RNF10: variants seen among roughly 807,000 people sequenced by gnomAD.
The protein encoded by RNF10 is ring finger protein 10.
RNF10 carries 38 observed loss-of-function variants against 91.4 expected under a neutral mutation model. That is an observed-to-expected ratio of 0.42 (90% confidence interval 0.32 to 0.54). The LOEUF (loss-of-function observed/expected upper bound fraction) is 0.54. Among genes scored for constraint, RNF10 ranks in the 20% least tolerant of loss-of-function variants. The pLI is 0.16. For synonymous variants in RNF10, 364 were observed against 366.3 expected, an observed-to-expected ratio of 0.99 and a Z score of 0.07; for missense variants, 945 against 1,012.0, an observed-to-expected ratio of 0.93 and a Z score of 0.90.
chr12:120,557,320 C>T lies in RNF10; in HGVS notation c.684C>T (p.Cys228=). The change falls in exon 5 of 17, where the codon TGC becomes TGT. Residue 228 remains cysteine (C), a synonymous_variant. Transcript: ENST00000325954. The part of the protein sequence containing the change: ...CSHEVPSCPI[C]LYPPTAAKIT... The stretch of plus-strand genomic sequence containing the variant: ...ATGAAGTGCCATCTTGCCCAATATG[C>T]CTCTATCCACCTACTGCAGCCAAGA... 6.2e-7 allele frequency: 1 copy of T among 1,614,114 alleles called. No homozygotes were observed. The highest frequency in any genetic ancestry group is 8.5e-7 in the Non-Finnish European group (1 of 1,180,018).
chr12:120,541,931 A>G lies in RNF10; in HGVS notation c.158-4474A>G, dbSNP rs978586426. 8.0e-5 allele frequency among the ~76,000 whole-genome samples: 12 copies of G among 150,548 alleles called. 1 individual carries two copies. The highest frequency in any genetic ancestry group is 5.3e-4 in the Admixed American group (8 of 15,116). ...TCCCAGGCTGGAGTGCAGTGGTGCA[A>G]TCTTGGCTCACTGCAAGCCCCGCCT... On this transcript the variant is annotated intron_variant, in intron 1 of 16. Transcript: ENST00000325954.
intron 1 of RNF10, chr12:120,539,443 T>G: frequency 7.8e-7 from 1 of 1,287,776 alleles, no homozygotes; most frequent in Non-Finnish European, 1.0e-6. Context: ...CCTCTGGAGG[T>G]GCTTGTCAAC....
intron 2 of RNF10, among the ~76,000 whole-genome samples, chr12:120,549,402 T>G (rs915821075): frequency 2.0e-5 from 3 of 152,126 alleles, no homozygotes; most frequent in Non-Finnish European, 4.4e-5. Flanking sequence ...TAGCCCTGTT[T>G]GTCTGCTGCA....
chr12:120,536,214 G>T (rs1870771250), intron 1 of RNF10, among the ~76,000 whole-genome samples: 1 of 151,878 alleles, frequency 6.6e-6, no homozygotes, highest in Admixed American at 6.6e-5. Context: ...TTGAGCCCAG[G>T]AGTTTCACAC....
At chr12:120,568,663 A>G (rs1037013366) in intron 13 of RNF10, among the ~76,000 whole-genome samples, 45 of 151,904 alleles carry the variant, frequency 3.0e-4, no homozygotes, top group African/African-American at 1.0e-3. Context: ...TTTAATAGAG[A>G]CAGGGTCTCT....
rs527576617 is a variant in RNF10, at chr12:120,552,818, G to A, written c.554+120G>A. On this transcript the variant is annotated intron_variant, in intron 3 of 16. Transcript: ENST00000325954. Reference sequence around the variant, plus strand: ...AAGAAGCAGAAAGGGAATTGGTCTCGTTCTTTTTCTGTTCACCACTGCCCC... The same window carrying A: ...AAGAAGCAGAAAGGGAATTGGTCTCATTCTTTTTCTGTTCACCACTGCCCC... 1.2e-4 allele frequency: 102 copies of A among 864,394 alleles called. No individual in the cohort carries two copies. In the Middle Eastern group the frequency reaches 1.4e-3, roughly 12 times the overall value. 53.5% of individuals were successfully genotyped at this position (864,394 alleles called of 1,614,324 possible).
intron 12 of RNF10, among the ~76,000 whole-genome samples, chr12:120,566,549 C>T (rs1226033369): frequency 6.6e-6 from 1 of 152,030 alleles, no homozygotes; most frequent in Non-Finnish European, 1.5e-5. Flanking sequence ...ATCACTTGAG[C>T]TCAGGAGTTC....
chr12:120,540,783 C>T (rs1207041331), intron 1 of RNF10, among the ~76,000 whole-genome samples: 1 of 151,544 alleles, frequency 6.6e-6, no homozygotes, highest in Non-Finnish European at 1.5e-5. Context: ...CATTATGAAA[C>T]TGTTTCCTTG....
chr12:120,551,584 C>G (rs1873101287), intron 2 of RNF10, among the ~76,000 whole-genome samples: 1 of 151,826 alleles, frequency 6.6e-6, no homozygotes, highest in South Asian at 2.1e-4. Context: ...CAGGCATGAG[C>G]TACTATTCCT....
chr12:120,553,295 G>A (rs1016219784), intron 3 of RNF10, among the ~76,000 whole-genome samples: 2 of 150,394 alleles, frequency 1.3e-5, no homozygotes, highest in African/African-American at 4.9e-5. Flanking sequence ...TCACCATATT[G>A]GCCAGGCTGG....
intron 1 of RNF10, among the ~76,000 whole-genome samples, chr12:120,544,144 T>C (rs1366489929): frequency 2.0e-5 from 3 of 151,898 alleles, no homozygotes; most frequent in Admixed American, 1.3e-4. Flanking sequence ...GGAGAATTGC[T>C]GGAACCCGGG....
chr12:120,540,078 TAAAAAAA>T (rs63190362), intron 1 of RNF10, among the ~76,000 whole-genome samples: 12,798 of 144,182 alleles, frequency 0.089, 709 homozygotes, highest in Non-Finnish European at 0.11. Context: ...ATGAGGAACT[TAAAAAAA>T]AAAAAAATAG....
intron 3 of RNF10, 168 bp from the exon 4 acceptor site, chr12:120,554,550 T>C (rs1349082613): frequency 3.4e-6 from 2 of 592,520 alleles, no homozygotes; most frequent in African/African-American, 3.8e-5. Flanking sequence ...TTGGGTTCTT[T>C]CCAGAGCTGG....
chr12:120,535,324 C>G (rs1006486434), intron 1 of RNF10: 1 of 183,102 alleles, frequency 5.5e-6, no homozygotes, highest in Non-Finnish European at 1.1e-5. Context: ...CTAAGTTGTT[C>G]TACCCTTTAA....
intron 1 of RNF10, among the ~76,000 whole-genome samples, chr12:120,536,656 A>C (rs919342103): frequency 2.6e-5 from 4 of 152,212 alleles, no homozygotes; most frequent in African/African-American, 9.6e-5. Context: ...AAAAGATAGA[A>C]GGTAACCAGT....
chr12:120,550,202 A>G (rs772059016), intron 2 of RNF10, among the ~76,000 whole-genome samples: 1 of 152,170 alleles, frequency 6.6e-6, no homozygotes, highest in Admixed American at 6.5e-5. Context: ...ACATGTAGCT[A>G]CTGGCTGCTG....
At chr12:120,553,057 T>TGAGATG (rs1873379138) in intron 3 of RNF10, among the ~76,000 whole-genome samples, 2 of 10,686 alleles carry the variant, frequency 1.9e-4, no homozygotes, top group Non-Finnish European at 4.8e-4. Context: ...TTTTTTTTTT[T>TGAGATG]TTTTTTTTTT....
At chr12:120,546,698 A>T in intron 2 of RNF10, 97 bp downstream of exon 2, 1 of 1,071,938 alleles carries the variant, frequency 9.3e-7, no homozygotes, top group South Asian at 1.6e-5. Flanking sequence ...GGGGAACAAG[A>T]GGTAGAGGAA....
chr12:120,552,562 C>T lies in RNF10; in HGVS notation c.418C>T (p.Leu140=). The T allele has an allele frequency of 1.2e-6, 2 of 1,614,202 alleles. No homozygotes were observed. The highest frequency in any genetic ancestry group is 1.7e-5 in the Admixed American group (1 of 60,022). ...AQFSGPKKIN[L]NHLLNFTFEP... ...GTTCTCTGGTCCTAAGAAGATCAAC[C>T]TGAACCACTTGTTGAATTTCACTTT... The change falls in exon 3 of 17, where the codon CTG becomes TTG. Residue 140 remains leucine, a synonymous_variant. Transcript: ENST00000325954.
Sources: gnomAD v4.1 joint callset for allele counts (sites outside exome capture counted in the v4.1 genomes callset) on GRCh38, gnomAD v4.1.1 for gene constraint, MANE v1.5 for transcripts, NCBI Gene and HGNC (gene_info 2026-07-23, HGNC 2026-07-21) for gene names.